The following HIRA variants were observed in gnomAD, a reference collection of about 807,000 sequenced individuals.
HIRA encodes the protein protein HIRA.
HIRA carries 13 observed loss-of-function variants against 126.6 expected under a neutral mutation model. That is an observed-to-expected ratio of 0.10 (90% confidence interval 0.07 to 0.16). The LOEUF (loss-of-function observed/expected upper bound fraction) is 0.16. HIRA is among the 10% of genes least tolerant of loss of function. The pLI, the probability that HIRA is intolerant of heterozygous loss-of-function variation, is 1.00. For missense variants in HIRA, 834 were observed against 1,314.4 expected (o/e 0.63, Z 5.65); for synonymous variants, 511 against 520.0 (o/e 0.98, Z 0.24).
At chr22:19,390,186 C>T (rs945848574) in intron 9 of HIRA, among the ~76,000 whole-genome samples, 4 of 152,074 alleles carry the variant, frequency 2.6e-5, no homozygotes, top group Non-Finnish European at 5.9e-5. Context: ...ACTTAGAAAC[C>T]GCCACAGTTC....
chr22:19,376,873 G>A (rs1366170076), intron 14 of HIRA, among the ~76,000 whole-genome samples: 1 of 152,182 alleles, frequency 6.6e-6, no homozygotes, highest in Non-Finnish European at 1.5e-5. Flanking sequence ...TCGCTCTGAC[G>A]GTATCAGCTG....
chr22:19,429,133 C>CTTTTTTTTTTTTTTTTTTTTTTTTTTTTT (rs57853722), intron 1 of HIRA, among the ~76,000 whole-genome samples: 4 of 77,244 alleles, frequency 5.2e-5, no homozygotes, highest in African/African-American at 5.4e-5. Flanking sequence ...GTTGCCATAT[C>CTTTTTTTTTTTTTTTTTTTTTTTTTTTTT]TTTTTTTTTT....
intron 24 of HIRA, among the ~76,000 whole-genome samples, chr22:19,348,994 G>C (rs2088723414): frequency 6.6e-6 from 1 of 151,526 alleles, no homozygotes; most frequent in Admixed American, 6.6e-5. Flanking sequence ...ATGTTGGCTG[G>C]GTTGGTCTCA....
chr22:19,335,269 G>A lies in HIRA; in HGVS notation c.2938-3713C>T, dbSNP rs189042503. Among the ~76,000 whole-genome samples, 29 of 151,746 alleles carry A rather than the reference G, an allele frequency of 1.9e-4. No homozygotes were observed. In the East Asian group the frequency reaches 4.8e-3, roughly 25 times the overall value. On this transcript the variant is annotated intron_variant, in intron 24 of 24. Coordinates refer to ENST00000263208, the MANE Select transcript of HIRA (RefSeq NM_003325.4). ...TGACTTTTTTTTTTTTTGAGACAGGGTCTTGCGCTCTGTTGCCCAGGCTGG... is the reference window on the plus strand; with the variant it reads ...TGACTTTTTTTTTTTTTGAGACAGGATCTTGCGCTCTGTTGCCCAGGCTGG...
At chr22:19,395,026 G>T (rs1215971907) in intron 7 of HIRA, among the ~76,000 whole-genome samples, 1 of 152,186 alleles carries the variant, frequency 6.6e-6, no homozygotes, top group Admixed American at 6.5e-5. Flanking sequence ...CACCCAAAGG[G>T]TGGTGAGGAT....
At chr22:19,411,145 C>T (rs2089348976) in intron 1 of HIRA, among the ~76,000 whole-genome samples, 1 of 152,240 alleles carries the variant, frequency 6.6e-6, no homozygotes, top group Admixed American at 6.5e-5. Context: ...TTTGTCTTTT[C>T]TGGCTGACAG....
intron 5 of HIRA, among the ~76,000 whole-genome samples, chr22:19,404,899 T>C (rs1467591799): frequency 6.6e-6 from 1 of 152,152 alleles, no homozygotes; most frequent in East Asian, 1.9e-4. Flanking sequence ...ACCTCAATTA[T>C]CACAGGCCTA....
intron 24 of HIRA, among the ~76,000 whole-genome samples, chr22:19,333,907 A>G (rs1556005217): frequency 6.6e-6 from 1 of 151,648 alleles, no homozygotes; most frequent in South Asian, 2.1e-4. Flanking sequence ...CAGTTATTGT[A>G]TTTTTAAACT....
At chr22:19,372,286 G>A (rs765534119) in intron 15 of HIRA, among the ~76,000 whole-genome samples, 1 of 152,130 alleles carries the variant, frequency 6.6e-6, no homozygotes, top group Non-Finnish European at 1.5e-5. Context: ...ACCTCCAAAT[G>A]GGTATGAAGT....
intron 24 of HIRA, among the ~76,000 whole-genome samples, chr22:19,336,056 T>C (rs1268925910): frequency 1.3e-5 from 2 of 152,196 alleles, no homozygotes; most frequent in African/African-American, 4.8e-5. Context: ...CTTAGATACT[T>C]TATAATTCTC....
At chr22:19,332,897 GAAA>G (rs1431412670) in intron 24 of HIRA, among the ~76,000 whole-genome samples, 5 of 152,092 alleles carry the variant, frequency 3.3e-5, no homozygotes, top group African/African-American at 9.6e-5. Flanking sequence ...AGAAGATTTA[GAAA>G]AACAATTTTA....
At chr22:19,374,164 C>T (rs1202817472) in intron 15 of HIRA, among the ~76,000 whole-genome samples, 1 of 152,002 alleles carries the variant, frequency 6.6e-6, no homozygotes, top group Non-Finnish European at 1.5e-5. Flanking sequence ...GAAACCCCAT[C>T]TCTACTAAAA....
intron 1 of HIRA, 53 bp downstream of exon 1, chr22:19,431,387 A>T: frequency 6.3e-7 from 1 of 1,590,278 alleles, no homozygotes. Context: ...ACTCGACTCC[A>T]GACCCCGACC....
intron 24 of HIRA, among the ~76,000 whole-genome samples, chr22:19,342,064 C>CT (rs1207683462): frequency 1.4e-4 from 22 of 152,100 alleles, no homozygotes; most frequent in African/African-American, 2.4e-5. Flanking sequence ...TGACAAAGGA[C>CT]TAATATCTGG....
intron 1 of HIRA, among the ~76,000 whole-genome samples, chr22:19,426,507 C>T (rs1383959226): frequency 6.6e-6 from 1 of 152,196 alleles, no homozygotes; most frequent in Admixed American, 6.5e-5. Context: ...CATCCACAAA[C>T]CCGACTCTGC....
intron 24 of HIRA, among the ~76,000 whole-genome samples, chr22:19,340,062 T>C (rs1480222148): frequency 6.6e-6 from 1 of 152,060 alleles, no homozygotes; most frequent in South Asian, 2.1e-4. Flanking sequence ...GGAAAGGACA[T>C]AACAAAAAAT....
chr22:19,348,546 T>A (rs1005616303), intron 24 of HIRA, among the ~76,000 whole-genome samples: 6 of 151,782 alleles, frequency 4.0e-5, no homozygotes, highest in South Asian at 2.1e-4. Context: ...CCTGGGCTGG[T>A]GTGCAATGGC....
In HIRA at chr22:19,361,888, G is replaced by T. The variant is rs769463188; in HGVS notation, c.1819C>A (p.Leu607Ile). 6 of 1,614,226 alleles carry T rather than the reference G, an allele frequency of 3.7e-6. No individual in the cohort carries two copies. The highest frequency in any genetic ancestry group is 5.1e-6 in the Non-Finnish European group (6 of 1,180,046). The change falls in exon 16 of 25, where the codon CTC (leucine) becomes ATC (isoleucine). Residue 607 changes from leucine (L) to isoleucine (I), a missense_variant. Around this residue, in one of 5 missense-constraint regions of HIRA, gnomAD observed 468 missense variants for 574.2 expected, o/e 0.82. Coordinates refer to ENST00000263208, the MANE Select transcript of HIRA (RefSeq NM_003325.4). ...TCGCTGTCACTGCTGCTCTCCAGGA[G>T]GTCTCGGGGCCTCAGCTCTTTCACA... ...NLVKELRPRD[L>I]LESSSDSDEK...
At chr22:19,391,702 G>A (rs1003242617) in intron 9 of HIRA, among the ~76,000 whole-genome samples, 11 of 152,014 alleles carry the variant, frequency 7.2e-5, no homozygotes, top group Non-Finnish European at 1.0e-4. Flanking sequence ...GGATGGTCTC[G>A]AACTCCTGAC....
Sources: gnomAD v4.1 joint callset for allele counts (sites outside exome capture counted in the v4.1 genomes callset) on GRCh38, gnomAD v4.1.1 for gene constraint, gnomAD v4.1.1 regional missense constraint, MANE v1.5 for transcripts, NCBI Gene and HGNC (gene_info 2026-07-23, HGNC 2026-07-21) for gene names.